MAP3K20: variants seen among roughly 807,000 people sequenced by gnomAD.
MAP3K20 encodes HCCS-4.
A neutral mutation model predicts 85.7 loss-of-function variants in MAP3K20; 40 were observed. The ratio of observed to expected loss-of-function variants is 0.47; its 90% CI spans 0.36 to 0.61. MAP3K20 has a LOEUF of 0.61. Among genes scored for constraint, MAP3K20 ranks in the 20% least tolerant of loss-of-function variants. The pLI is 0.00. For synonymous variants in MAP3K20, 325 were observed against 327.7 expected, an observed-to-expected ratio of 0.99 and a Z score of 0.09; for missense variants, 817 against 961.7, an observed-to-expected ratio of 0.85 and a Z score of 1.99.
At chr2:173,137,395 A>G (rs1266661399) in intron 2 of MAP3K20, among the ~76,000 whole-genome samples, 1 of 151,812 alleles carries the variant, frequency 6.6e-6, no homozygotes, top group Non-Finnish European at 1.5e-5. Flanking sequence ...GAAGAGAATT[A>G]TAAATACCCT....
chr2:173,240,371 C>A (rs1684753488), intron 16 of MAP3K20, among the ~76,000 whole-genome samples: 1 of 152,160 alleles, frequency 6.6e-6, no homozygotes, highest in Non-Finnish European at 1.5e-5. Flanking sequence ...CTCAGCTGGC[C>A]CTGGCCTTTC....
At chr2:173,193,821 C>T (rs1690737352) in intron 7 of MAP3K20, among the ~76,000 whole-genome samples, 1 of 152,184 alleles carries the variant, frequency 6.6e-6, no homozygotes, top group Admixed American at 6.5e-5. Flanking sequence ...TAGCTTTTCT[C>T]TCTACTTGTG....
chr2:173,244,143 G>A (rs1363343202), intron 16 of MAP3K20, among the ~76,000 whole-genome samples: 2 of 152,176 alleles, frequency 1.3e-5, no homozygotes, highest in African/African-American at 4.8e-5. Context: ...GTGGGAGGGA[G>A]GGGCCAGGAG....
chr2:173,149,049 G>C (rs1055597798), intron 2 of MAP3K20, among the ~76,000 whole-genome samples: 1 of 152,194 alleles, frequency 6.6e-6, no homozygotes, highest in Non-Finnish European at 1.5e-5. Flanking sequence ...ATCTGTTGTA[G>C]ACGTATAGAA....
intron 2 of MAP3K20, among the ~76,000 whole-genome samples, chr2:173,131,042 G>A (rs1393467817): frequency 6.6e-6 from 1 of 152,148 alleles, no homozygotes; most frequent in Non-Finnish European, 1.5e-5. Context: ...TGGAGTAATG[G>A]CATTTGCACA....
intron 8 of MAP3K20, among the ~76,000 whole-genome samples, chr2:173,202,584 C>G (rs1173144766): frequency 1.3e-5 from 2 of 152,134 alleles, no homozygotes; most frequent in Non-Finnish European, 2.9e-5. Context: ...ACACAACTAC[C>G]TACACACATT....
At position 173,210,254 on chromosome 2, in the gene MAP3K20, G is replaced by A. The variant is rs543232646; in HGVS notation, c.851+419G>A. 5.7e-4 allele frequency: 98 copies of A among 170,722 alleles called. 1 individual carries two copies. The highest frequency in any genetic ancestry group is 1.0e-3 in the Non-Finnish European group (81 of 79,166). The allele number at this position is 170,722 out of a possible 1,614,324, so 10.6% of individuals were successfully genotyped here. On this transcript the variant is annotated intron_variant, in intron 10 of 19. Coordinates refer to ENST00000375213, the MANE Select transcript of MAP3K20 (RefSeq NM_016653.3). ...TGTAATCCCAGCTACTCAGGAGGCT[G>A]AGGCAGGAGAATCACTTGAACCTGG...
chr2:173,153,857 T>C (rs1177220161), intron 2 of MAP3K20, among the ~76,000 whole-genome samples: 1 of 152,224 alleles, frequency 6.6e-6, no homozygotes, highest in Admixed American at 6.5e-5. Context: ...AAGTAATTCT[T>C]ATCACATATT....
rs573740949 is a variant in MAP3K20, at chr2:173,087,402, A to G, written c.-34-3596A>G. 1.8e-3 allele frequency among the ~76,000 whole-genome samples: 270 copies of G among 152,352 alleles called. 1 individual carries two copies. Among genetic ancestry groups the G allele is most frequent in the African/African-American group, 6.2e-3 (258 of 41,584 alleles). ...TCAGTGTATATTGGGAAGTGCAGGC[A>G]GTTCCTCGTGTGTGTATGGGAAATG... On this transcript the variant is annotated intron_variant, in intron 1 of 19. Coordinates refer to ENST00000375213, the MANE Select transcript of MAP3K20 (RefSeq NM_016653.3).
intron 2 of MAP3K20, among the ~76,000 whole-genome samples, chr2:173,129,044 C>T (rs973443095): frequency 6.6e-6 from 1 of 151,454 alleles, no homozygotes; most frequent in Non-Finnish European, 1.5e-5. Context: ...CTGCCTCAGC[C>T]TCCCGAGTAG....
At chr2:173,216,989 C>A in intron 10 of MAP3K20, 126 bp from the exon 11 acceptor site, 1 of 923,000 alleles carries the variant, frequency 1.1e-6, no homozygotes, top group African/African-American at 1.7e-5. Flanking sequence ...TCTCCTCCGG[C>A]AGTTACCTGG....
intron 1 of MAP3K20, among the ~76,000 whole-genome samples, chr2:173,087,861 T>C (rs1272303522): frequency 6.7e-6 from 1 of 150,044 alleles, no homozygotes; most frequent in Non-Finnish European, 1.5e-5. Context: ...ATGTGTGTCA[T>C]CAAAACAAGG....
At chr2:173,259,366 GAA>G (rs897759526) in intron 17 of MAP3K20, among the ~76,000 whole-genome samples, 1 of 152,258 alleles carries the variant, frequency 6.6e-6, no homozygotes, top group Non-Finnish European at 1.5e-5. Flanking sequence ...ATGAAAACAA[GAA>G]AGACTTGTGG....
chr2:173,108,729 T>A (rs1045049792), intron 2 of MAP3K20, among the ~76,000 whole-genome samples: 1 of 152,186 alleles, frequency 6.6e-6, no homozygotes, highest in African/African-American at 2.4e-5. Flanking sequence ...TAAAATGAAA[T>A]GCCTTCGACC....
chr2:173,128,426 G>A (rs1271076036), intron 2 of MAP3K20, among the ~76,000 whole-genome samples: 1 of 151,944 alleles, frequency 6.6e-6, no homozygotes, highest in African/African-American at 2.4e-5. Context: ...TCTGCCTCCT[G>A]GTTTCAAGTG....
chr2:173,199,893 C>G (rs1291865673), intron 8 of MAP3K20, among the ~76,000 whole-genome samples: 1 of 152,122 alleles, frequency 6.6e-6, no homozygotes, highest in East Asian at 1.9e-4. Context: ...GGATTGGAAT[C>G]ACCCATGAAT....
chr2:173,197,863 A>ATATAG (rs1690901962), intron 7 of MAP3K20, 163 bp from the exon 8 acceptor site: 1 of 413,740 alleles, frequency 2.4e-6, no homozygotes, highest in South Asian at 3.8e-5. Context: ...AGTATTTAAT[A>ATATAG]TATAGAAGAA....
In MAP3K20 at chr2:173,267,946, A is replaced by C. The variant is rs1685459348; in HGVS notation, c.*1196A>C. ...ACTTGTGAAATGCTTCATGTTTTAC[A>C]AACCAAAAAGTCAGGTAGCAACAAA... On this transcript the variant is annotated 3_prime_UTR_variant, in exon 20 of 20. Coordinates refer to ENST00000375213, the MANE Select transcript of MAP3K20 (RefSeq NM_016653.3). The C allele has an allele frequency of 6.6e-6, 1 of 152,232 alleles. No homozygotes were observed. Among genetic ancestry groups the C allele is most frequent in the African/African-American group, 2.4e-5 (1 of 41,460 alleles). 9.4% of individuals were successfully genotyped at this position (152,232 alleles called of 1,614,324 possible). A position where few individuals can be genotyped will look rare whatever the true frequency, so the allele number is the denominator to read the frequency against.
At chr2:173,255,534 G>T (rs1225970073) in intron 16 of MAP3K20, among the ~76,000 whole-genome samples, 1 of 152,212 alleles carries the variant, frequency 6.6e-6, no homozygotes, top group South Asian at 2.1e-4. Flanking sequence ...ACAGCATGGT[G>T]TAAGTGCCCA....
Sources: gnomAD v4.1 joint callset for allele counts (sites outside exome capture counted in the v4.1 genomes callset) on GRCh38, gnomAD v4.1.1 for gene constraint, MANE v1.5 for transcripts, NCBI Gene and HGNC (gene_info 2026-07-23, HGNC 2026-07-21) for gene names.